The following PHTF2 variants were observed in gnomAD, a reference collection of about 807,000 sequenced individuals.
PHTF2 encodes protein PHTF2.
A neutral mutation model predicts 101.2 loss-of-function variants in PHTF2; 60 were observed. The observed-to-expected ratio is 0.59, with a 90% CI of 0.48 to 0.73. PHTF2 has a LOEUF of 0.73. Ranked by LOEUF, PHTF2 falls within the 30% of genes least tolerant of loss-of-function variation. The pLI, the probability that PHTF2 is intolerant of heterozygous loss-of-function variation, is 0.00. For synonymous variants in PHTF2, 311 were observed against 307.3 expected (o/e 1.01, Z -0.13); for missense variants, 747 against 908.7 (o/e 0.82, Z 2.29).
At chr7:77,948,217 A>C (rs1042555094) in intron 16 of PHTF2, among the ~76,000 whole-genome samples, 1 of 152,158 alleles carries the variant, frequency 6.6e-6, no homozygotes. Flanking sequence ...AATTACAGAA[A>C]GACTTTATGA....
chr7:77,879,479 C>G (rs1309749734), intron 3 of PHTF2, among the ~76,000 whole-genome samples: 1 of 152,068 alleles, frequency 6.6e-6, no homozygotes, highest in Non-Finnish European at 1.5e-5. Context: ...TTGCCGGGCT[C>G]CCTTTCTTCC....
rs185634544 is a variant in PHTF2 at position 77,888,260 on chromosome 7, G to A, written c.148-5348G>A. On this transcript the variant is annotated intron_variant, in intron 3 of 19. Transcript: ENST00000416283. ...CTCCCAAGTAGCTGGGATTACAGGC[G>A]TGCGCCACCACGCCCAGCTAATTTT... Among the ~76,000 whole-genome samples, 47 of 152,120 alleles carry A rather than the reference G, an allele frequency of 3.1e-4. No individual in the cohort carries two copies. The East Asian group carries it at 3.3e-3, about 11-fold the overall frequency.
At chr7:77,807,884 A>G (rs896592893) in intron 1 of PHTF2, among the ~76,000 whole-genome samples, 1 of 152,180 alleles carries the variant, frequency 6.6e-6, no homozygotes, top group African/African-American at 2.4e-5. Flanking sequence ...TAGAGGGTGT[A>G]AGATAAAGGT....
At chr7:77,801,274 C>T (rs901176120) in intron 1 of PHTF2, among the ~76,000 whole-genome samples, 2 of 152,226 alleles carry the variant, frequency 1.3e-5, no homozygotes, top group African/African-American at 4.8e-5. Context: ...TGCCACAAGA[C>T]ACTTGACTTC....
rs538793973 is a variant in PHTF2, at chr7:77,841,011, A to G, written c.45+711A>G. Among the ~76,000 whole-genome samples, 219 of 151,180 alleles carry G rather than the reference A, an allele frequency of 1.4e-3. 1 individual carries two copies. Among genetic ancestry groups the G allele is most frequent in the African/African-American group, 5.2e-3 (212 of 41,106 alleles). ...AAAACATTTTTATACCTTATTCTTC[A>G]GGTCTCTATTAACAAAATATAATGA... On this transcript the variant is annotated intron_variant, in intron 2 of 19. Transcript: ENST00000416283.
At chr7:77,861,329 A>G (rs1371084728) in intron 3 of PHTF2, among the ~76,000 whole-genome samples, 1 of 152,204 alleles carries the variant, frequency 6.6e-6, no homozygotes, top group Non-Finnish European at 1.5e-5. Flanking sequence ...CTATAAAGGC[A>G]GATATAGTTT....
At chr7:77,912,690 C>T (rs1000774870) in intron 9 of PHTF2, among the ~76,000 whole-genome samples, 4 of 140,168 alleles carry the variant, frequency 2.9e-5, no homozygotes, top group Non-Finnish European at 4.6e-5. Flanking sequence ...ACCTATCTCA[C>T]TGCACACTGA....
intron 9 of PHTF2, among the ~76,000 whole-genome samples, chr7:77,911,891 A>T (rs530946414): frequency 3.9e-5 from 6 of 152,360 alleles, no homozygotes; most frequent in African/African-American, 1.4e-4. Flanking sequence ...ACTTGGATGT[A>T]ATATAGCTCT....
At chr7:77,887,384 T>G (rs908734535) in intron 3 of PHTF2, among the ~76,000 whole-genome samples, 1 of 152,100 alleles carries the variant, frequency 6.6e-6, no homozygotes, top group Non-Finnish European at 1.5e-5. Flanking sequence ...ACTCTTACCC[T>G]TCTTACTGCT....
intron 1 of PHTF2, among the ~76,000 whole-genome samples, chr7:77,824,828 T>G (rs1163182955): frequency 6.7e-6 from 1 of 150,088 alleles, no homozygotes; most frequent in African/African-American, 2.5e-5. Flanking sequence ...AGACCAGGAG[T>G]TCAAGGCCAG....
At chr7:77,932,261 A>T (rs1053881599) in intron 12 of PHTF2, among the ~76,000 whole-genome samples, 42 of 152,286 alleles carry the variant, frequency 2.8e-4, no homozygotes, top group Admixed American at 2.6e-3. Flanking sequence ...GAAGAATCAA[A>T]GAGATACGGA....
chr7:77,933,397 T>C (rs1804788272), intron 12 of PHTF2, among the ~76,000 whole-genome samples: 1 of 152,176 alleles, frequency 6.6e-6, no homozygotes, highest in Admixed American at 6.5e-5. Context: ...TAAGGATAGG[T>C]GTGTTCAAGG....
intron 1 of PHTF2, among the ~76,000 whole-genome samples, chr7:77,802,501 G>C (rs751251111): frequency 6.6e-6 from 1 of 152,084 alleles, no homozygotes; most frequent in Non-Finnish European, 1.5e-5. Flanking sequence ...CATATATTTT[G>C]ACTGTCTTTT....
intron 3 of PHTF2, among the ~76,000 whole-genome samples, chr7:77,864,530 C>G (rs1363920981): frequency 1.3e-5 from 2 of 152,202 alleles, no homozygotes; most frequent in Non-Finnish European, 2.9e-5. Context: ...TTCTTACCTT[C>G]TAACACCATC....
rs141544104 is a variant in PHTF2 at position 77,871,588 on chromosome 7, C to T, written c.147+16754C>T. Among the ~76,000 whole-genome samples the T allele has an allele frequency of 7.1e-3, 1,078 of 152,304 alleles. 18 individuals carry two copies. The highest frequency in any genetic ancestry group is 0.024 in the African/African-American group (1,010 of 41,570). On this transcript the variant is annotated intron_variant, in intron 3 of 19. Coordinates refer to ENST00000416283, the Ensembl canonical transcript of PHTF2. The stretch of plus-strand genomic sequence containing the variant: ...CTACTTCCAATTCTACCCCTTGATT[C>T]CTGAACCTGTGAATCCTGGCTATTG...
intron 1 of PHTF2, among the ~76,000 whole-genome samples, chr7:77,819,181 A>G (rs1229096964): frequency 6.6e-6 from 1 of 152,196 alleles, no homozygotes; most frequent in East Asian, 1.9e-4. Flanking sequence ...GTCATCTGCA[A>G]ATAGACATTT....
intron 2 of PHTF2, among the ~76,000 whole-genome samples, chr7:77,851,599 ATT>A (rs199811713): frequency 1.1e-4 from 14 of 128,200 alleles, no homozygotes; most frequent in Admixed American, 1.6e-4. Flanking sequence ...TTCTGCTCTG[ATT>A]TTTTTTTTTT....
intron 19 of PHTF2, among the ~76,000 whole-genome samples, chr7:77,954,636 A>G (rs1404041785): frequency 2.7e-5 from 4 of 145,560 alleles, no homozygotes; most frequent in African/African-American, 5.0e-5. Context: ...ATATATATAT[A>G]TATATATATA....
rs189037030 is a variant in PHTF2 at position 77,898,620 on chromosome 7, C to A, written c.217-2091C>A. Among the ~76,000 whole-genome samples the A allele has an allele frequency of 3.4e-3, 516 of 152,166 alleles. 1 individual carries two copies. The highest frequency in any genetic ancestry group is 4.0e-3 in the Non-Finnish European group (269 of 67,988). Reference sequence around the variant, plus strand: ...GGTAGCTATGTTCTATAAAGTCACCCATGAACACTGAATTAGTGCATACTG... The same window carrying A: ...GGTAGCTATGTTCTATAAAGTCACCAATGAACACTGAATTAGTGCATACTG... On this transcript the variant is annotated intron_variant, in intron 5 of 19. Transcript: ENST00000416283.
Sources: gnomAD v4.1 joint callset for allele counts (sites outside exome capture counted in the v4.1 genomes callset) on GRCh38, gnomAD v4.1.1 for gene constraint, MANE v1.5 for transcripts, NCBI Gene and HGNC (gene_info 2026-07-23, HGNC 2026-07-21) for gene names.